Variants in CIP2A observed in about 807,000 individuals in gnomAD.
CIP2A encodes cellular inhibitor of PP2A, also known as protein CIP2A.
In CIP2A, 103 loss-of-function variants were observed where a neutral mutation model predicts 110.9. The observed-to-expected ratio is 0.93, with a 90% CI of 0.79 to 1.09. The LOEUF is 1.09. CIP2A is among the 50% of genes least tolerant of loss of function. The pLI, the probability that CIP2A is intolerant of heterozygous loss-of-function variation, is 0.00. For synonymous variants in CIP2A, 381 were observed against 361.6 expected, an observed-to-expected ratio of 1.05 and a Z score of -0.61; for missense variants, 1,088 against 1,038.4, an observed-to-expected ratio of 1.05 and a Z score of -0.66.
chr3:108,554,009 C>A (rs1937699727), intron 18 of CIP2A, among the ~76,000 whole-genome samples: 1 of 151,508 alleles, frequency 6.6e-6, no homozygotes, highest in Non-Finnish European at 1.5e-5. Context: ...GATTCTCCTG[C>A]CTCAGCCTTC....
rs865887789 is a variant in CIP2A at position 108,560,717 on chromosome 3, G to A, written c.1759C>T (p.His587Tyr). ...AATCCAGGAACACCATCTTTCAAAT[G>A]AGGAGTTAAACACTTTATTGATGTT... ...FPTSIKCLTP[H>Y]LKDGVPGLNI... is the part of the protein sequence containing the mutation. Residue 587 changes from histidine (H) to tyrosine (Y), a missense_variant, in exon 14 of 21, where the codon CAT becomes TAT. Coordinates refer to ENST00000295746, the MANE Select transcript of CIP2A (RefSeq NM_020890.3). 22 of 1,611,862 alleles carry A rather than the reference G, an allele frequency of 1.4e-5. 2 individuals carry two copies. The Middle Eastern group carries it at 3.0e-3, about 218-fold the overall frequency.
Position 108,550,272 on chromosome 3 carries a change from A to T in CIP2A, c.*877T>A, listed in dbSNP as rs1209279241. On this transcript the variant is annotated 3_prime_UTR_variant, in exon 21 of 21. Coordinates refer to ENST00000295746, the MANE Select transcript of CIP2A (RefSeq NM_020890.3). ...TTAAAATTAAATGAACCAATTAAAA[A>T]CTATTAGGACAACAAATTAAATACA... is the stretch of plus-strand genomic sequence containing the variant. 6.6e-6 allele frequency: 1 copy of T among 151,552 alleles called. No individual in the cohort carries two copies. Among genetic ancestry groups the T allele is most frequent in the Non-Finnish European group, 1.5e-5 (1 of 67,700 alleles). 9.4% of individuals were successfully genotyped at this position (151,552 alleles called of 1,614,324 possible).
chr3:108,566,041 C>T (rs927684649), intron 11 of CIP2A, among the ~76,000 whole-genome samples: 10 of 151,660 alleles, frequency 6.6e-5, no homozygotes, highest in Admixed American at 1.3e-4. Context: ...TATCTTATTA[C>T]CATCAGTGAA....
chr3:108,573,648 C>T (rs1559697729), intron 8 of CIP2A, among the ~76,000 whole-genome samples: 1 of 151,920 alleles, frequency 6.6e-6, no homozygotes, highest in Non-Finnish European at 1.5e-5. Flanking sequence ...GATTCCTAGT[C>T]ACTTTCTTAA....
At chr3:108,565,544 C>A in intron 11 of CIP2A, 90 bp from the exon 12 acceptor site, 1 of 652,716 alleles carries the variant, frequency 1.5e-6, no homozygotes, top group Non-Finnish European at 2.6e-6. Context: ...TGAAAAAAAC[C>A]AACACTTGTG....
At chr3:108,575,431 TACAC>T (rs1318888142) in intron 8 of CIP2A, among the ~76,000 whole-genome samples, 1 of 146,702 alleles carries the variant, frequency 6.8e-6, no homozygotes, top group Non-Finnish European at 1.5e-5. Context: ...CATGTATACA[TACAC>T]ATACATATAT....
chr3:108,588,335 T>C (rs1559707062), intron 1 of CIP2A, among the ~76,000 whole-genome samples: 3 of 152,042 alleles, frequency 2.0e-5, no homozygotes, highest in African/African-American at 4.8e-5. Context: ...GCACTTGAAG[T>C]AGGGAAAAGA....
intron 11 of CIP2A, among the ~76,000 whole-genome samples, chr3:108,566,046 A>G (rs952201675): frequency 6.6e-6 from 1 of 151,740 alleles, no homozygotes; most frequent in Non-Finnish European, 1.5e-5. Context: ...TATTACCATC[A>G]GTGAAAATCC....
intron 8 of CIP2A, among the ~76,000 whole-genome samples, chr3:108,575,540 T>C (rs1938570660): frequency 6.7e-6 from 1 of 150,182 alleles, no homozygotes; most frequent in Non-Finnish European, 1.5e-5. Context: ...GTATATATAC[T>C]CATATACATG....
chr3:108,559,318 G>T (rs1040200604), intron 16 of CIP2A, among the ~76,000 whole-genome samples: 1 of 152,140 alleles, frequency 6.6e-6, no homozygotes, highest in Non-Finnish European at 1.5e-5. Context: ...TTTAAAAAGG[G>T]AAGGGTGATT....
chr3:108,575,149 C>T (rs2107350237), intron 8 of CIP2A: 1 of 152,030 alleles, frequency 6.6e-6, no homozygotes, highest in South Asian at 2.1e-4. Flanking sequence ...TAACAATCTA[C>T]AACTATATGA....
At chr3:108,582,630 T>C (rs898781347) in intron 3 of CIP2A, among the ~76,000 whole-genome samples, 6 of 152,230 alleles carry the variant, frequency 3.9e-5, no homozygotes, top group Non-Finnish European at 5.9e-5. Flanking sequence ...GCTTTAATTT[T>C]TGTAGAACGT....
intron 1 of CIP2A, 31 bp downstream of exon 1, chr3:108,589,243 C>T (rs766306235): frequency 1.3e-6 from 2 of 1,522,444 alleles, no homozygotes; most frequent in Non-Finnish European, 1.8e-6. Flanking sequence ...TAGGGGAAGC[C>T]CCATCTGTCC....
intron 9 of CIP2A, among the ~76,000 whole-genome samples, chr3:108,569,181 T>TATATATATATATATATACAC: frequency 5.1e-5 from 3 of 58,274 alleles, no homozygotes; most frequent in African/African-American, 9.2e-5. Flanking sequence ...TATATATATA[T>TATATATATATATATATACAC]ACATACACAC....
intron 8 of CIP2A, 128 bp from the exon 9 acceptor site, chr3:108,569,735 T>C: frequency 1.4e-6 from 1 of 690,344 alleles, no homozygotes; most frequent in Non-Finnish European, 2.4e-6. Context: ...TTAAGTTTTT[T>C]CTTTCAATAT....
At chr3:108,571,069 C>A (rs1938389512) in intron 8 of CIP2A, among the ~76,000 whole-genome samples, 1 of 152,112 alleles carries the variant, frequency 6.6e-6, no homozygotes, top group East Asian at 1.9e-4. Flanking sequence ...ATCAACACCA[C>A]TTCCACCTCC....
At chr3:108,581,300 A>G (rs969256473) in intron 5 of CIP2A, 115 bp downstream of exon 5, 8 of 722,972 alleles carry the variant, frequency 1.1e-5, no homozygotes, top group Middle Eastern at 3.7e-4. Context: ...GGGTCATCCG[A>G]TAAGACACAG....
At chr3:108,575,834 G>A (rs1265101026) in intron 8 of CIP2A, among the ~76,000 whole-genome samples, 1 of 125,888 alleles carries the variant, frequency 7.9e-6, no homozygotes, top group African/African-American at 3.2e-5. Flanking sequence ...GTATATACGT[G>A]TATATATACT....
intron 5 of CIP2A, among the ~76,000 whole-genome samples, chr3:108,580,315 C>A (rs1938822992): frequency 6.6e-6 from 1 of 152,066 alleles, no homozygotes; most frequent in African/African-American, 2.4e-5. Flanking sequence ...ATATAGATAG[C>A]CACAATCTTG....
Sources: allele counts gnomAD v4.1 joint callset (sites outside exome capture counted in the v4.1 genomes callset), GRCh38; gene constraint gnomAD v4.1.1; transcripts MANE v1.5; gene names NCBI Gene and HGNC (gene_info 2026-07-23, HGNC 2026-07-21).